The following SEPTIN2 variants were observed in gnomAD, a reference collection of about 807,000 sequenced individuals.
SEPTIN2 encodes the protein septin 2, also known as septin-2.
A neutral mutation model predicts 46.5 loss-of-function variants in SEPTIN2; 34 were observed. The observed-to-expected ratio is 0.73, with a 90% CI of 0.56 to 0.97. The LOEUF is 0.97. SEPTIN2 is among the 50% of genes least tolerant of loss of function. The probability of loss-of-function intolerance (pLI) is 0.00; values close to 1 mark genes in which losing one functional copy is unlikely to be tolerated. For missense variants in SEPTIN2, 347 were observed against 448.4 expected, an observed-to-expected ratio of 0.77 and a Z score of 2.04; for synonymous variants, 175 against 153.4, an observed-to-expected ratio of 1.14 and a Z score of -1.04.
intron 7 of SEPTIN2, among the ~76,000 whole-genome samples, chr2:241,339,427 T>C (rs2080950689): frequency 6.6e-6 from 1 of 151,958 alleles, no homozygotes; most frequent in African/African-American, 2.4e-5. Context: ...AACTGTTAAG[T>C]ATATATCCTT....
At chr2:241,329,460 CTATTT>C (rs1198997869) in intron 3 of SEPTIN2, among the ~76,000 whole-genome samples, 1 of 152,120 alleles carries the variant, frequency 6.6e-6, no homozygotes, top group Non-Finnish European at 1.5e-5. Flanking sequence ...ACCTACCAGC[CTATTT>C]TATTAAGCCA....
intron 2 of SEPTIN2, among the ~76,000 whole-genome samples, chr2:241,325,446 G>T (rs2077801036): frequency 6.6e-6 from 1 of 151,844 alleles, no homozygotes; most frequent in African/African-American, 2.4e-5. Flanking sequence ...CCCCTAATTT[G>T]CCTGCCTCAC....
intron 1 of SEPTIN2, among the ~76,000 whole-genome samples, chr2:241,321,149 A>G (rs571414429): frequency 1.6e-4 from 24 of 152,220 alleles, no homozygotes; most frequent in African/African-American, 5.8e-4. Context: ...AAATTTCTCT[A>G]TGTCTGCTAA....
At chr2:241,350,508 TTATG>T (rs1349512157) in intron 12 of SEPTIN2, among the ~76,000 whole-genome samples, 1 of 152,200 alleles carries the variant, frequency 6.6e-6, no homozygotes, top group Non-Finnish European at 1.5e-5. Flanking sequence ...TAGAAGGAAA[TTATG>T]TATTAAAGCA....
At position 241,316,578 on chromosome 2, in the gene SEPTIN2, A is replaced by G. The variant is rs1339792295; in HGVS notation, c.-18+596A>G. 11 of 1,478,452 alleles carry G rather than the reference A, an allele frequency of 7.4e-6. No individual in the cohort carries two copies. In the Admixed American group the frequency reaches 1.6e-4, roughly 21 times the overall value. The allele number at this position is 1,478,452 out of a possible 1,614,324, so 91.6% of individuals were successfully genotyped here. A position where few individuals can be genotyped will look rare whatever the true frequency, so the allele number is the denominator to read the frequency against. The stretch of plus-strand genomic sequence containing the variant: ...GAGGCACGGACAGGCAGCAGGGGGT[A>G]GGGTATAGGGTTGGAGGCCGCCGAG... On this transcript the variant is annotated intron_variant, in intron 1 of 12. Transcript: ENST00000391971.
rs2060935720 is a variant in SEPTIN2, at chr2:241,353,690, AGTT to A, written c.*1754_*1756del. The A allele has an allele frequency of 6.5e-6, 1 of 152,872 alleles. No individual in the cohort carries two copies. Among genetic ancestry groups the A allele is most frequent in the African/African-American group, 2.4e-5 (1 of 41,440 alleles). 9.5% of individuals were successfully genotyped at this position (152,872 alleles called of 1,614,324 possible). ...ACATCCATGCGGAGTCCATTATTTG[AGTT>A]TGACATTTAATAACTTTGCTGGAAA... On this transcript the variant is annotated 3_prime_UTR_variant, in exon 13 of 13. Coordinates refer to ENST00000391971, the MANE Select transcript of SEPTIN2 (RefSeq NM_004404.5).
intron 5 of SEPTIN2, chr2:241,336,663 CCTT>C (rs1292759317): frequency 5.8e-6 from 1 of 170,962 alleles, no homozygotes; most frequent in Non-Finnish European, 1.4e-5. Flanking sequence ...GGAATTTCTC[CCTT>C]CTTACATGTG....
chr2:241,345,804 T>G (rs2060176359), intron 9 of SEPTIN2, among the ~76,000 whole-genome samples: 1 of 152,222 alleles, frequency 6.6e-6, no homozygotes. Flanking sequence ...CGTAAGTCCT[T>G]TTAGAAGAGT....
At chr2:241,325,713 T>G (rs780318677) in intron 2 of SEPTIN2, among the ~76,000 whole-genome samples, 2 of 152,220 alleles carry the variant, frequency 1.3e-5, no homozygotes, top group African/African-American at 2.4e-5. Flanking sequence ...ATGTATCTTC[T>G]ATGTATTGTT....
At chr2:241,331,409 T>G (rs1317940081) in intron 3 of SEPTIN2, among the ~76,000 whole-genome samples, 1 of 152,212 alleles carries the variant, frequency 6.6e-6, no homozygotes, top group Non-Finnish European at 1.5e-5. Flanking sequence ...TTGTCCCATA[T>G]TTTTTCTGAG....
intron 7 of SEPTIN2, among the ~76,000 whole-genome samples, chr2:241,339,045 A>G (rs1202206445): frequency 7.6e-6 from 1 of 130,738 alleles, no homozygotes; most frequent in Non-Finnish European, 1.6e-5. Context: ...TATTATATAT[A>G]CATTTTTATA....
chr2:241,318,223 A>C (rs1362157870), intron 1 of SEPTIN2: 1 of 152,198 alleles, frequency 6.6e-6, no homozygotes, highest in African/African-American at 2.4e-5. Flanking sequence ...CCATTTTCCC[A>C]TATGTGTGCA....
chr2:241,315,663 G>C (rs985740519), upstream of SEPTIN2: 2 of 152,468 alleles, frequency 1.3e-5, no homozygotes, highest in African/African-American at 4.8e-5. Flanking sequence ...AAGGAGAAGA[G>C]GCTACGCTTG....
At chr2:241,322,637 TCCACATATCTTTAAAAATATTGTCAC>T (rs1361438486) in intron 1 of SEPTIN2, among the ~76,000 whole-genome samples, 1 of 151,934 alleles carries the variant, frequency 6.6e-6, no homozygotes, top group Non-Finnish European at 1.5e-5. Flanking sequence ...AAAAAAAAAT[TCCACATATCTTTAAAAATATTGTCAC>T]ATTTTTCAGA....
At chr2:241,336,308 G>A (rs2079972463) in intron 5 of SEPTIN2, 4 of 557,284 alleles carry the variant, frequency 7.2e-6, no homozygotes, top group East Asian at 3.1e-5. Flanking sequence ...ATTTGAGATC[G>A]CAAAGCCAGT....
chr2:241,319,152 GA>G (rs962645189), intron 1 of SEPTIN2, among the ~76,000 whole-genome samples: 16 of 152,090 alleles, frequency 1.1e-4, no homozygotes, highest in African/African-American at 3.9e-4. Context: ...TGATTCACAT[GA>G]AAAAAATGAG....
intron 1 of SEPTIN2, among the ~76,000 whole-genome samples, chr2:241,323,295 T>G (rs1397508309): frequency 6.6e-6 from 1 of 152,072 alleles, no homozygotes; most frequent in Non-Finnish European, 1.5e-5. Context: ...CTCAGCCTTC[T>G]GAGTAGCTGG....
rs554107228 is a variant in SEPTIN2 at position 241,319,496 on chromosome 2, T to G, written c.-18+3514T>G. Among the ~76,000 whole-genome samples, 5 of 152,402 alleles carry G rather than the reference T, an allele frequency of 3.3e-5. No homozygotes were observed. In the East Asian group the frequency reaches 9.6e-4, roughly 29 times the overall value. On this transcript the variant is annotated intron_variant, in intron 1 of 12. Coordinates refer to ENST00000391971, the MANE Select transcript of SEPTIN2 (RefSeq NM_004404.5). ...TTATGGAAGGGCATTCCTGCCGAAT[T>G]ATCGGTTGTAATTTAAATAGATTTA...
At chr2:241,331,811 T>C (rs2079055401) in intron 3 of SEPTIN2, among the ~76,000 whole-genome samples, 1 of 152,248 alleles carries the variant, frequency 6.6e-6, no homozygotes, top group South Asian at 2.1e-4. Context: ...TTACAGTCCC[T>C]GATTTCAAGA....
Sources: gnomAD v4.1 joint callset for allele counts (sites outside exome capture counted in the v4.1 genomes callset) on GRCh38, gnomAD v4.1.1 for gene constraint, MANE v1.5 for transcripts, NCBI Gene and HGNC (gene_info 2026-07-23, HGNC 2026-07-21) for gene names.